The following AFF3 variants were observed in gnomAD, a reference collection of about 807,000 sequenced individuals.
The protein encoded by AFF3 is ALF transcription elongation factor 3.
A neutral mutation model predicts 129.7 loss-of-function variants in AFF3; 32 were observed. The observed-to-expected ratio is 0.25, with a 90% CI of 0.19 to 0.33. The LOEUF (loss-of-function observed/expected upper bound fraction) is 0.33, where lower values mean the gene tolerates loss of function less well. Among genes scored for constraint, AFF3 ranks in the 10% least tolerant of loss-of-function variants. The pLI is 1.00. For synonymous variants in AFF3, 644 were observed against 635.4 expected, an observed-to-expected ratio of 1.01 and a Z score of -0.20; for missense variants, 1,373 against 1,592.0, an observed-to-expected ratio of 0.86 and a Z score of 2.34.
chr2:99,837,609 C>A, intron 7 of AFF3, 85 bp from the exon 8 acceptor site: 1 of 1,291,574 alleles, frequency 7.7e-7, no homozygotes, highest in Non-Finnish European at 1.1e-6. Flanking sequence ...ATTAGTCCCC[C>A]CCAACAAAAA....
intron 7 of AFF3, among the ~76,000 whole-genome samples, chr2:99,844,328 A>T (rs1202266279): frequency 6.6e-6 from 1 of 151,402 alleles, no homozygotes; most frequent in Non-Finnish European, 1.5e-5. Flanking sequence ...AACCATTATC[A>T]CCTCTATTTG....
At chr2:99,806,469 G>A (rs764440168) in intron 8 of AFF3, among the ~76,000 whole-genome samples, 2 of 152,144 alleles carry the variant, frequency 1.3e-5, no homozygotes, top group Non-Finnish European at 2.9e-5. Flanking sequence ...GCATGGAGGA[G>A]GATGAGGACC....
intron 7 of AFF3, among the ~76,000 whole-genome samples, chr2:99,853,916 T>A (rs972001902): frequency 2.6e-5 from 4 of 152,168 alleles, no homozygotes; most frequent in African/African-American, 9.6e-5. Flanking sequence ...TTCAAATGAA[T>A]TAAAAAAGTA....
intron 8 of AFF3, among the ~76,000 whole-genome samples, chr2:99,834,573 C>G (rs1421342745): frequency 2.0e-5 from 3 of 152,176 alleles, no homozygotes; most frequent in African/African-American, 7.2e-5. Flanking sequence ...TTGGCTTCTG[C>G]CCCCTCTACT....
intron 8 of AFF3, among the ~76,000 whole-genome samples, chr2:99,815,587 C>T (rs1391506736): frequency 6.6e-6 from 1 of 152,052 alleles, no homozygotes; most frequent in African/African-American, 2.4e-5. Context: ...AAATTGCCTC[C>T]AACATTACTT....
At chr2:99,775,485 T>C (rs1683823690) in intron 8 of AFF3, among the ~76,000 whole-genome samples, 1 of 152,078 alleles carries the variant, frequency 6.6e-6, no homozygotes, top group Admixed American at 6.6e-5. Context: ...TGTTCTCACT[T>C]ATAAGTGGGA....
rs397775656 is a variant in AFF3 at position 99,886,431 on chromosome 2, T to TC, written c.874-48908dup. Among the ~76,000 whole-genome samples, 43 of 151,882 alleles carry TC rather than the reference T, an allele frequency of 2.8e-4. No individual in the cohort carries two copies. In the South Asian group the frequency reaches 8.6e-3, roughly 30 times the overall value. On this transcript the variant is annotated intron_variant, in intron 7 of 24. Coordinates refer to ENST00000672756, the MANE Select transcript of AFF3 (RefSeq NM_001386135.1). ...TCGAGTCATTACAATTTTTTTTTTT[T>TC]CAGGAATAAAGGAGGTACGCGCAAG...
intron 8 of AFF3, among the ~76,000 whole-genome samples, chr2:99,823,478 T>C (rs1355102597): frequency 6.6e-6 from 1 of 152,214 alleles, no homozygotes; most frequent in Non-Finnish European, 1.5e-5. Context: ...GTACTTTACA[T>C]GTAGAAATAA....
intron 13 of AFF3, among the ~76,000 whole-genome samples, chr2:99,643,053 A>AG (rs1224121646): frequency 5.2e-5 from 7 of 133,722 alleles, no homozygotes; most frequent in Non-Finnish European, 9.4e-5. Flanking sequence ...CATACTTAAA[A>AG]GATTTTTTTT....
chr2:99,639,098 G>C (rs1308109336), intron 13 of AFF3, among the ~76,000 whole-genome samples: 1 of 152,130 alleles, frequency 6.6e-6, no homozygotes, highest in Non-Finnish European at 1.5e-5. Context: ...ATCTTAAAGG[G>C]CAATTAGTGG....
chr2:100,061,368 C>G (rs1165868540), intron 4 of AFF3, among the ~76,000 whole-genome samples: 2 of 151,974 alleles, frequency 1.3e-5, no homozygotes, highest in African/African-American at 2.4e-5. Context: ...CGGCCCTTCC[C>G]TATTGTTGCT....
At chr2:100,128,491 A>G (rs1692293230) in intron 2 of AFF3, among the ~76,000 whole-genome samples, 1 of 152,188 alleles carries the variant, frequency 6.6e-6, no homozygotes, top group Non-Finnish European at 1.5e-5. Context: ...CTACTCAAGG[A>G]AGTTAATTTC....
chr2:100,060,674 GAGA>G (rs1687197676), intron 4 of AFF3, among the ~76,000 whole-genome samples: 1 of 152,094 alleles, frequency 6.6e-6, no homozygotes. Context: ...AGATAGTGCA[GAGA>G]ACCCTTGTAT....
intron 12 of AFF3, among the ~76,000 whole-genome samples, chr2:99,656,918 G>A (rs191871871): frequency 1.3e-5 from 2 of 152,198 alleles, no homozygotes; most frequent in East Asian, 3.9e-4. Flanking sequence ...GGCAGTCAGG[G>A]ATGATAATAT....
At chr2:99,989,176 T>G (rs967102667) in intron 7 of AFF3, among the ~76,000 whole-genome samples, 2 of 152,214 alleles carry the variant, frequency 1.3e-5, no homozygotes, top group African/African-American at 4.8e-5. Flanking sequence ...ATTTTAAGTA[T>G]GGAATGTTGC....
chr2:99,957,734 T>A (rs1676802060), intron 7 of AFF3, among the ~76,000 whole-genome samples: 3 of 152,120 alleles, frequency 2.0e-5, no homozygotes. Context: ...TTAAGTCTTT[T>A]TTAGAGGGGA....
chr2:99,818,641 G>A (rs1466911780), intron 8 of AFF3, among the ~76,000 whole-genome samples: 2 of 152,146 alleles, frequency 1.3e-5, no homozygotes, highest in African/African-American at 4.8e-5. Context: ...TTCAGTAGGA[G>A]GGTTTAGTCA....
intron 7 of AFF3, among the ~76,000 whole-genome samples, chr2:99,895,568 T>C (rs1693874484): frequency 6.6e-6 from 1 of 152,082 alleles, no homozygotes; most frequent in African/African-American, 2.4e-5. Context: ...AGACAGGATC[T>C]TACCCCTGAT....
In AFF3 at chr2:99,618,224, C is replaced by CTTTTTTTTTTTTTTTT. The variant is rs70940180; in HGVS notation, c.1185-16619_1185-16604dup. On this transcript the variant is annotated intron_variant, in intron 13 of 24. Coordinates refer to ENST00000672756, the MANE Select transcript of AFF3 (RefSeq NM_001386135.1). The stretch of plus-strand genomic sequence containing the variant: ...TAGATGAGAAAATGCTCATAACATT[C>CTTTTTTTTTTTTTTTT]TTTTTTTTTTTTTTTTTTTTTTTTT... 8.7e-5 allele frequency among the ~76,000 whole-genome samples: 7 copies of CTTTTTTTTTTTTTTTT among 80,084 alleles called. 2 individuals are homozygous for CTTTTTTTTTTTTTTTT. The highest frequency in any genetic ancestry group is 4.0e-4 in the African/African-American group (7 of 17,674). The allele number at this position is 80,084 out of a possible 152,430, so 52.5% of individuals were successfully genotyped here.
Sources: gnomAD v4.1 joint callset for allele counts (sites outside exome capture counted in the v4.1 genomes callset) on GRCh38, gnomAD v4.1.1 for gene constraint, MANE v1.5 for transcripts, NCBI Gene and HGNC (gene_info 2026-07-23, HGNC 2026-07-21) for gene names.